The following SULT1B1 variants were observed in gnomAD, a reference collection of about 807,000 sequenced individuals.
SULT1B1 encodes the protein sulfotransferase family 1B member 1.
In SULT1B1, 28 loss-of-function variants were observed where a neutral mutation model predicts 34.6. The observed-to-expected ratio is 0.81, with a 90% confidence interval of 0.60 to 1.11. The LOEUF (loss-of-function observed/expected upper bound fraction) is 1.11. Ranked by LOEUF, SULT1B1 falls within the 50% of genes least tolerant of loss-of-function variation. The pLI, the probability that SULT1B1 is intolerant of heterozygous loss-of-function variation, is 0.00. For missense variants in SULT1B1, 374 were observed against 352.2 expected (o/e 1.06, Z -0.50); for synonymous variants, 147 against 110.2 (o/e 1.33, Z -2.09).
At chr4:69,756,177 G>C (rs1020097492) in intron 1 of SULT1B1, among the ~76,000 whole-genome samples, 1 of 151,958 alleles carries the variant, frequency 6.6e-6, no homozygotes, top group East Asian at 1.9e-4. Context: ...ACTAAGTACG[G>C]TTATAATGAT....
intron 4 of SULT1B1, among the ~76,000 whole-genome samples, chr4:69,734,474 C>G (rs1718220779): frequency 6.6e-6 from 1 of 151,982 alleles, no homozygotes; most frequent in South Asian, 2.1e-4. Context: ...AACCATCGAG[C>G]TATAGACGTT....
At chr4:69,738,588 G>A (rs1718408845) in intron 4 of SULT1B1, among the ~76,000 whole-genome samples, 1 of 152,112 alleles carries the variant, frequency 6.6e-6, no homozygotes, top group African/African-American at 2.4e-5. Flanking sequence ...ATGACACATG[G>A]GGATTATTAC....
In SULT1B1 at chr4:69,727,114, C is replaced by A; in HGVS notation, c.865G>T (p.Ala289Ser). 1.2e-6 allele frequency: 2 copies of A among 1,607,852 alleles called. No homozygotes were observed. The highest frequency in any genetic ancestry group is 1.7e-6 in the Non-Finnish European group (2 of 1,177,118). The change falls in exon 8 of 8, where the codon GCA becomes TCA. Residue 289 changes from alanine (A) to serine (S), a missense_variant. Coordinates refer to ENST00000310613, the MANE Select transcript of SULT1B1 (RefSeq NM_014465.4). ...AIYETEMSKTALQFRTEI is the reference protein window; with the variant it reads ...AIYETEMSKTSLQFRTEI ...TAAATCTCTGTGCGGAATTGAAGTG[C>A]AGTTTTGGACATTTCTGTCTCATAA...
intron 6 of SULT1B1, among the ~76,000 whole-genome samples, chr4:69,731,538 C>G (rs1159564159): frequency 6.6e-6 from 1 of 152,130 alleles, no homozygotes; most frequent in East Asian, 1.9e-4. Context: ...ATTCTTTTAC[C>G]TCACTTATTA....
chr4:69,755,179 C>T lies in SULT1B1; in HGVS notation c.39G>A (p.Lys13=). ...SPKDILRKDL[K]LVHGYPMTCA... Reference sequence around the variant, plus strand: ...AGGTCATGGGATAACCATGGACCAACTTCAGATCTTTTCGCAGAATATCTT... The same window carrying T: ...AGGTCATGGGATAACCATGGACCAATTTCAGATCTTTTCGCAGAATATCTT... The change falls in exon 2 of 8, where the codon AAG becomes AAA. Residue 13 remains lysine (K), a synonymous_variant. Transcript: ENST00000310613. 6 of 1,613,832 alleles carry T rather than the reference C, an allele frequency of 3.7e-6. No individual in the cohort carries two copies. Among genetic ancestry groups the T allele is most frequent in the Non-Finnish European group, 5.1e-6 (6 of 1,179,732 alleles).
intron 6 of SULT1B1, among the ~76,000 whole-genome samples, chr4:69,733,026 C>T (rs777566892): frequency 3.3e-5 from 5 of 151,912 alleles, no homozygotes; most frequent in Non-Finnish European, 5.9e-5. Context: ...GGATGATTAG[C>T]ACATAAATAG....
chr4:69,726,081 T>TATATATATATATAA lies in SULT1B1; in HGVS notation c.*1006_*1007insTTATATATATATAT, dbSNP rs1717829233. ...ATATATATATATATATATATATATA[T>TATATATATATATAA]AAATGTTCCAAGAAAACATAGATCA... On this transcript the variant is annotated 3_prime_UTR_variant, in exon 8 of 8. Coordinates refer to ENST00000310613, the MANE Select transcript of SULT1B1 (RefSeq NM_014465.4). 1 of 105,518 alleles carries TATATATATATATAA rather than the reference T, an allele frequency of 9.5e-6. No homozygotes were observed. Among genetic ancestry groups the TATATATATATATAA allele is most frequent in the South Asian group, 3.0e-4 (1 of 3,378 alleles). 6.5% of individuals were successfully genotyped at this position (105,518 alleles called of 1,614,324 possible).
At chr4:69,751,747 C>T (rs938338509) in intron 3 of SULT1B1, among the ~76,000 whole-genome samples, 22 of 152,182 alleles carry the variant, frequency 1.4e-4, no homozygotes, top group Non-Finnish European at 8.8e-5. Flanking sequence ...CCACCGCGCC[C>T]GGCCTAGAGT....
chr4:69,745,143 G>A (rs914478289), intron 4 of SULT1B1, among the ~76,000 whole-genome samples: 3 of 152,062 alleles, frequency 2.0e-5, no homozygotes, highest in Admixed American at 6.6e-5. Flanking sequence ...TTGCTTTATG[G>A]CTGAGTAAAG....
rs754094964 is a variant in SULT1B1 at position 69,730,689 on chromosome 4, TG to T, written c.598-9del. 1 of 1,608,960 alleles carries T rather than the reference TG, an allele frequency of 6.2e-7. No individual in the cohort carries two copies. The highest frequency in any genetic ancestry group is 1.3e-5 in the African/African-American group (1 of 74,898). On this transcript the variant is annotated splice_polypyrimidine_tract_variant and intron_variant, in intron 6 of 7. Coordinates refer to ENST00000310613, the MANE Select transcript of SULT1B1 (RefSeq NM_014465.4). ...GATTTCCTCCTTTGGATTCTATTAG[TG>T]GGTAAAACCCAAGACAATAAACAAG...
chr4:69,742,008 T>C (rs1309149956), intron 4 of SULT1B1, among the ~76,000 whole-genome samples: 2 of 152,184 alleles, frequency 1.3e-5, no homozygotes. Context: ...GTGTGTTGGT[T>C]TGTCATAGAC....
chr4:69,749,356 C>G, intron 4 of SULT1B1, among the ~76,000 whole-genome samples: 1 of 151,976 alleles, frequency 6.6e-6, no homozygotes, highest in East Asian at 1.9e-4. Flanking sequence ...AAAATTTCCC[C>G]AAAAGCAGAT....
chr4:69,728,348 A>G (rs1249359460), intron 7 of SULT1B1, among the ~76,000 whole-genome samples: 2 of 152,060 alleles, frequency 1.3e-5, no homozygotes, highest in Non-Finnish European at 2.9e-5. Flanking sequence ...CATACGACCA[A>G]ACATTGGACA....
At chr4:69,738,213 T>C (rs1040585972) in intron 4 of SULT1B1, among the ~76,000 whole-genome samples, 4 of 152,200 alleles carry the variant, frequency 2.6e-5, no homozygotes, top group African/African-American at 9.7e-5. Flanking sequence ...TATGGCTGTG[T>C]AGTATTCCGT....
In SULT1B1 at chr4:69,733,927, A is replaced by C. The variant is rs138130935; in HGVS notation, c.502+211T>G. On this transcript the variant is annotated intron_variant, in intron 5 of 7. Transcript: ENST00000310613. ...CTAGCAACTGAGAACAGATTATAGA[A>C]TACTTTTGTATGCCAATGATTAATA... Among the ~76,000 whole-genome samples, 18 of 152,314 alleles carry C rather than the reference A, an allele frequency of 1.2e-4. No homozygotes were observed. The East Asian group carries it at 2.7e-3, about 23-fold the overall frequency.
chr4:69,731,586 A>G (rs1329393645), intron 6 of SULT1B1, among the ~76,000 whole-genome samples: 1 of 152,192 alleles, frequency 6.6e-6, no homozygotes, highest in African/African-American at 2.4e-5. Context: ...GTTGTAAATT[A>G]CTGGACTTTT....
intron 4 of SULT1B1, among the ~76,000 whole-genome samples, chr4:69,747,285 G>T (rs971757933): frequency 6.6e-6 from 1 of 152,186 alleles, no homozygotes. Context: ...GAGCACTGGT[G>T]GGAGAAGACT....
intron 1 of SULT1B1, among the ~76,000 whole-genome samples, chr4:69,756,270 C>T (rs988891536): frequency 2.8e-4 from 42 of 151,066 alleles, no homozygotes; most frequent in African/African-American, 9.4e-4. Context: ...GCTTTTTCTC[C>T]TTGTTTACAT....
chr4:69,725,660 G>C lies in SULT1B1; in HGVS notation c.*1428C>G, dbSNP rs1359797509. ...TGATAGACTGGATTAAGAAAATGTG[G>C]CACATATACACCATAGAATACTGTG... On this transcript the variant is annotated 3_prime_UTR_variant, in exon 8 of 8. Coordinates refer to ENST00000310613, the MANE Select transcript of SULT1B1 (RefSeq NM_014465.4). The C allele has an allele frequency of 6.6e-6, 1 of 152,006 alleles. No homozygotes were observed. The highest frequency in any genetic ancestry group is 2.4e-5 in the African/African-American group (1 of 41,390). 9.4% of individuals were successfully genotyped at this position (152,006 alleles called of 1,614,324 possible). A position where few individuals can be genotyped will look rare whatever the true frequency, so the allele number is the denominator to read the frequency against.
Sources: allele counts gnomAD v4.1 joint callset (sites outside exome capture counted in the v4.1 genomes callset), GRCh38; gene constraint gnomAD v4.1.1; transcripts MANE v1.5; gene names NCBI Gene and HGNC (gene_info 2026-07-23, HGNC 2026-07-21).